TUSC3: variants seen among roughly 807,000 people sequenced by gnomAD.
TUSC3 encodes dolichyl-diphosphooligosaccharide--protein glycosyltransferase subunit TUSC3.
TUSC3 carries 45 observed loss-of-function variants against 44.8 expected under a neutral mutation model. The observed-to-expected ratio is 1.00, with a 90% CI of 0.79 to 1.29. The LOEUF (loss-of-function observed/expected upper bound fraction) is 1.29. TUSC3 is among the 50% of genes most tolerant of loss of function. The pLI, the probability that TUSC3 is intolerant of heterozygous loss-of-function variation, is 0.00. For synonymous variants in TUSC3, 212 were observed against 152.9 expected (o/e 1.39, Z -2.85); for missense variants, 519 against 437.9 (o/e 1.19, Z -1.65).
At chr8:15,649,600 A>G (rs533367576) in intron 2 of TUSC3, among the ~76,000 whole-genome samples, 4 of 152,130 alleles carry the variant, frequency 2.6e-5, no homozygotes, top group African/African-American at 9.6e-5. Context: ...AAAAAAAAAA[A>G]AAAAGTTTAA....
chr8:15,555,932 T>A (rs937797429), intron 1 of TUSC3, among the ~76,000 whole-genome samples: 7 of 151,750 alleles, frequency 4.6e-5, no homozygotes, highest in African/African-American at 1.7e-4. Context: ...TAATGTATGC[T>A]TTCTGGATAT....
the TUSC3 span, among the ~76,000 whole-genome samples, chr8:15,785,569 T>A: frequency 6.6e-6 from 1 of 152,072 alleles, no homozygotes; most frequent in Non-Finnish European, 1.5e-5. Context: ...GGGGACGTTA[T>A]TCCTTGTTTT....
In TUSC3 at chr8:15,642,786, G is replaced by C. The variant is rs200886947; in HGVS notation, c.309-7911G>C. ...AAGGTTTACATTGCTTTGTTGTTTT[G>C]TTTTTATTATTTAAGATTATAAGTG... On this transcript the variant is annotated intron_variant, in intron 2 of 10. Coordinates refer to ENST00000503731, the MANE Select transcript of TUSC3 (RefSeq NM_006765.4). 3.9e-5 allele frequency among the ~76,000 whole-genome samples: 6 copies of C among 152,078 alleles called. No homozygotes were observed. The East Asian group carries it at 1.2e-3, about 29-fold the overall frequency.
intron 6 of TUSC3, among the ~76,000 whole-genome samples, chr8:15,713,124 G>T (rs147450488): frequency 6.6e-6 from 1 of 152,088 alleles, no homozygotes; most frequent in African/African-American, 2.4e-5. Flanking sequence ...TGTAAAAGTC[G>T]TAAAAGGTTG....
At chr8:15,755,817 T>G (rs1811905635) in intron 9 of TUSC3, among the ~76,000 whole-genome samples, 1 of 152,170 alleles carries the variant, frequency 6.6e-6, no homozygotes, top group Admixed American at 6.5e-5. Context: ...TTTTATATAT[T>G]ACATGAACTT....
At chr8:15,606,586 C>T (rs545861231) in intron 1 of TUSC3, among the ~76,000 whole-genome samples, 1 of 152,106 alleles carries the variant, frequency 6.6e-6, no homozygotes, top group East Asian at 1.9e-4. Flanking sequence ...TCTGTTTCAT[C>T]TTGTTAAATA....
intron 1 of TUSC3, among the ~76,000 whole-genome samples, chr8:15,610,644 A>C (rs1225768646): frequency 6.6e-6 from 1 of 152,252 alleles, no homozygotes; most frequent in Non-Finnish European, 1.5e-5. Context: ...CCTTTGAACC[A>C]GAGAATAAAT....
intron 2 of TUSC3, among the ~76,000 whole-genome samples, chr8:15,518,429 A>C (rs1241316556): frequency 6.6e-6 from 1 of 152,172 alleles, no homozygotes; most frequent in East Asian, 1.9e-4. Context: ...AATGTTATCA[A>C]GGCCTTCTCA....
At chr8:15,593,645 T>C (rs1803945773) in intron 1 of TUSC3, among the ~76,000 whole-genome samples, 1 of 152,188 alleles carries the variant, frequency 6.6e-6, no homozygotes, top group South Asian at 2.1e-4. Context: ...ATAGCCATAA[T>C]TTTTCCCTCA....
chr8:15,541,995 A>G (rs990927670), intron 1 of TUSC3, among the ~76,000 whole-genome samples: 2 of 143,330 alleles, frequency 1.4e-5, no homozygotes, highest in South Asian at 2.2e-4. Context: ...GACTGACCTT[A>G]ATCAATTTTT....
intron 1 of TUSC3, among the ~76,000 whole-genome samples, chr8:15,581,687 A>T (rs1803350447): frequency 6.8e-6 from 1 of 147,088 alleles, no homozygotes; most frequent in African/African-American, 2.5e-5. Flanking sequence ...TCAGATCTCC[A>T]GCTGCGTGCT....
At chr8:15,730,602 T>C (rs950024137) in intron 6 of TUSC3, 64 bp from the exon 7 acceptor site, 41 of 1,533,228 alleles carry the variant, frequency 2.7e-5, no homozygotes, top group Non-Finnish European at 3.6e-5. Flanking sequence ...TCTTCATGAC[T>C]TAAAACTACA....
At chr8:15,597,069 G>C in intron 1 of TUSC3, among the ~76,000 whole-genome samples, 1 of 152,110 alleles carries the variant, frequency 6.6e-6, no homozygotes, top group East Asian at 1.9e-4. Flanking sequence ...GAGAATGTCA[G>C]CAGGGGTGGT....
chr8:15,459,878 A>G (rs926853719), intron 1 of TUSC3, among the ~76,000 whole-genome samples: 48 of 141,448 alleles, frequency 3.4e-4, no homozygotes, highest in African/African-American at 1.2e-3. Context: ...GTGTGTGTAT[A>G]CATACATACA....
chr8:15,455,824 C>G (rs1446989113), intron 1 of TUSC3, among the ~76,000 whole-genome samples: 3 of 152,168 alleles, frequency 2.0e-5, no homozygotes, highest in South Asian at 4.1e-4. Flanking sequence ...CCCCAAAACT[C>G]AGCCATTTTC....
chr8:15,827,970 G>A, the TUSC3 span, among the ~76,000 whole-genome samples: 1 of 149,160 alleles, frequency 6.7e-6, no homozygotes, highest in Non-Finnish European at 1.5e-5. Context: ...TAACACCCCA[G>A]AAAACTAATG....
At chr8:15,455,715 C>G (rs992280776) in intron 1 of TUSC3, among the ~76,000 whole-genome samples, 2 of 152,114 alleles carry the variant, frequency 1.3e-5, no homozygotes, top group Non-Finnish European at 2.9e-5. Context: ...CCAGCCAAAC[C>G]CTCTCTTGCT....
In TUSC3 at chr8:15,546,454, G is replaced by GT. The variant is rs201335365; in HGVS notation, c.138+5894dup. Among the ~76,000 whole-genome samples, 28 of 151,482 alleles carry GT rather than the reference G, an allele frequency of 1.8e-4. 1 individual carries two copies. The highest frequency in any genetic ancestry group is 3.9e-4 in the East Asian group (2 of 5,116). ...GGACTATTTTACAAGAAGTATTACT[G>GT]TTTTTTTTACATAGATAAGTAAGAC... On this transcript the variant is annotated intron_variant, in intron 1 of 10. Transcript: ENST00000503731.
At chr8:15,602,916 G>C (rs953972829) in intron 1 of TUSC3, among the ~76,000 whole-genome samples, 8 of 151,698 alleles carry the variant, frequency 5.3e-5, no homozygotes, top group African/African-American at 1.9e-4. Flanking sequence ...AAAAACCTAA[G>C]TATTAATAAC....
Sources: allele counts gnomAD v4.1 joint callset (sites outside exome capture counted in the v4.1 genomes callset), GRCh38; gene constraint gnomAD v4.1.1; transcripts MANE v1.5; gene names NCBI Gene and HGNC (gene_info 2026-07-23, HGNC 2026-07-21).